The following FHOD3 variants were observed in gnomAD, a reference collection of about 807,000 sequenced individuals.
FHOD3 encodes formin homology 2 domain containing 3.
FHOD3 carries 90 observed loss-of-function variants against 173.0 expected under a neutral mutation model. The observed-to-expected ratio is 0.52, with a 90% confidence interval of 0.44 to 0.62. The LOEUF is 0.62. Among genes scored for constraint, FHOD3 ranks in the 20% least tolerant of loss-of-function variants. The probability of loss-of-function intolerance (pLI) is 0.00; values close to 1 mark genes in which losing one functional copy is unlikely to be tolerated. For synonymous variants in FHOD3, 828 were observed against 823.0 expected (o/e 1.01, Z -0.10); for missense variants, 1,945 against 2,034.7 (o/e 0.96, Z 0.85).
chr18:36,343,839 T>C (rs982734613), intron 1 of FHOD3, among the ~76,000 whole-genome samples: 2 of 152,100 alleles, frequency 1.3e-5, no homozygotes, highest in African/African-American at 4.8e-5. Flanking sequence ...CCACGTATTG[T>C]ATGATTCCAC....
chr18:36,553,823 G>A (rs1028568381), intron 5 of FHOD3, among the ~76,000 whole-genome samples: 20 of 152,220 alleles, frequency 1.3e-4, no homozygotes, highest in South Asian at 8.3e-4. Context: ...AAAAGTGGGC[G>A]AAGGATATGA....
chr18:36,575,633 A>G (rs528880616), intron 5 of FHOD3, among the ~76,000 whole-genome samples: 4 of 152,348 alleles, frequency 2.6e-5, no homozygotes, highest in South Asian at 2.1e-4. Context: ...ACAATTAGTT[A>G]TGGGTGAAAT....
intron 5 of FHOD3, among the ~76,000 whole-genome samples, chr18:36,545,946 G>A (rs980691293): frequency 2.3e-4 from 35 of 152,314 alleles, no homozygotes; most frequent in Admixed American, 1.2e-3. Flanking sequence ...AGTTTGTAAG[G>A]AGTTACCTTG....
At chr18:36,730,047 A>C (rs912683051) in intron 19 of FHOD3, among the ~76,000 whole-genome samples, 32 of 152,250 alleles carry the variant, frequency 2.1e-4, no homozygotes, top group African/African-American at 5.3e-4. Flanking sequence ...GCTCCTCTTC[A>C]TTCATCTACC....
chr18:36,444,117 C>T (rs1291978463), intron 3 of FHOD3, among the ~76,000 whole-genome samples: 2 of 136,006 alleles, frequency 1.5e-5, no homozygotes, highest in Non-Finnish European at 3.0e-5. Context: ...GGCGTGAACC[C>T]GGGAGGTGGA....
intron 10 of FHOD3, among the ~76,000 whole-genome samples, chr18:36,637,364 C>A (rs1238974232): frequency 6.6e-6 from 1 of 152,114 alleles, no homozygotes; most frequent in Non-Finnish European, 1.5e-5. Context: ...AGTGCAGTGA[C>A]ACAATCTCAG....
At chr18:36,317,890 A>G (rs184833315) in intron 1 of FHOD3, among the ~76,000 whole-genome samples, 15 of 152,188 alleles carry the variant, frequency 9.9e-5, no homozygotes, top group Admixed American at 9.8e-4. Flanking sequence ...ATCCATCTTG[A>G]GTTAATTTTT....
At chr18:36,551,050 G>T (rs904867068) in intron 5 of FHOD3, among the ~76,000 whole-genome samples, 1 of 152,154 alleles carries the variant, frequency 6.6e-6, no homozygotes, top group Non-Finnish European at 1.5e-5. Flanking sequence ...ATCTGCAGGG[G>T]TTTTTGAGAT....
intron 3 of FHOD3, among the ~76,000 whole-genome samples, chr18:36,464,050 T>C (rs1251710896): frequency 1.3e-5 from 2 of 152,164 alleles, no homozygotes; most frequent in Non-Finnish European, 2.9e-5. Context: ...TGAGATTAAA[T>C]AGGAGAAAGC....
intron 5 of FHOD3, among the ~76,000 whole-genome samples, chr18:36,551,463 ATTAAT>A (rs930787545): frequency 2.0e-5 from 3 of 151,930 alleles, no homozygotes; most frequent in Non-Finnish European, 4.4e-5. Context: ...ATTTAATTTG[ATTAAT>A]TTATTTAATT....
chr18:36,596,917 C>T (rs1377560113), intron 7 of FHOD3, among the ~76,000 whole-genome samples: 1 of 152,150 alleles, frequency 6.6e-6, no homozygotes, highest in Non-Finnish European at 1.5e-5. Context: ...TTTCCAAGGC[C>T]AGTCAATTAG....
rs182696088 is a variant in FHOD3, at chr18:36,338,309, G to T, written c.166-17230G>T. 5.3e-5 allele frequency among the ~76,000 whole-genome samples: 8 copies of T among 152,282 alleles called. No homozygotes were observed. The East Asian group carries it at 1.5e-3, about 29-fold the overall frequency. On this transcript the variant is annotated intron_variant, in intron 1 of 28. Coordinates refer to ENST00000590592, the MANE Select transcript of FHOD3 (RefSeq NM_001281740.3). ...TGGTAGCCTGTGCTTGGAATGGAGG[G>T]CAGTACTGCTCAGCTCAGCCTCCCT...
intron 14 of FHOD3, among the ~76,000 whole-genome samples, chr18:36,670,012 A>G (rs2149307643): frequency 6.6e-6 from 1 of 151,552 alleles, no homozygotes; most frequent in Non-Finnish European, 1.5e-5. Context: ...GTAAAGAATT[A>G]TAAGTTGATA....
At position 36,693,246 on chromosome 18, in the gene FHOD3, G is replaced by A. The variant is rs778872098; in HGVS notation, c.2059G>A (p.Glu687Lys). The change falls in exon 17 of 29, where the codon GAG (glutamate) becomes AAG (lysine). Residue 687 changes from glutamate to lysine, a missense_variant. Glu to Lys is a moderately conservative substitution (Grantham distance 56). Transcript: ENST00000590592. ...GGAACAGTTGGCAGCTGAGGAGCAC[G>A]AGAAGGAGCTGAGAAGCCGGAGTGT... Reference protein sequence around the residue: ...YLEQLAAEEHEKELRSRSVSR... With the variant: ...YLEQLAAEEHKKELRSRSVSR... The A allele has an allele frequency of 1.6e-5, 26 of 1,613,670 alleles. No individual in the cohort carries two copies. Among genetic ancestry groups the A allele is most frequent in the Non-Finnish European group, 1.9e-5 (23 of 1,179,832 alleles).
Position 36,652,632 on chromosome 18 carries a change from C to T in FHOD3, c.1349C>T (p.Ala450Val). 6.5e-7 allele frequency: 1 copy of T among 1,535,302 alleles called. No individual in the cohort carries two copies. Among genetic ancestry groups the T allele is most frequent in the Non-Finnish European group, 8.7e-7 (1 of 1,146,668 alleles). ...TGRDAAPKSS[A>V]LPAVSNASSQ... ...AGGGATGCTGCTCCCAAGAGCTCTGCCCTCCCTGCTGTCTCGAATGCCAGC... is the reference window on the plus strand; with the variant it reads ...AGGGATGCTGCTCCCAAGAGCTCTGTCCTCCCTGCTGTCTCGAATGCCAGC... The change falls in exon 12 of 29, where the codon GCC becomes GTC. Residue 450 changes from alanine to valine, a missense_variant. Coordinates refer to ENST00000590592, the MANE Select transcript of FHOD3 (RefSeq NM_001281740.3).
chr18:36,322,251 G>A (rs1411342770), intron 1 of FHOD3, among the ~76,000 whole-genome samples: 2 of 152,216 alleles, frequency 1.3e-5, no homozygotes, highest in African/African-American at 4.8e-5. Flanking sequence ...GCCCTAGAAA[G>A]TGGAAGAGCA....
chr18:36,589,148 G>C (rs76311421), intron 6 of FHOD3, among the ~76,000 whole-genome samples: 5,055 of 152,262 alleles, frequency 0.033, 292 homozygotes, highest in African/African-American at 0.12. Context: ...AAATCATTAT[G>C]AAATGTGTAA....
chr18:36,576,343 A>G, intron 5 of FHOD3, 108 bp from the exon 6 acceptor site: 1 of 658,602 alleles, frequency 1.5e-6, no homozygotes, highest in South Asian at 2.8e-5. Context: ...TTTGATTCTT[A>G]ACATACTGTG....
intron 6 of FHOD3, among the ~76,000 whole-genome samples, chr18:36,584,532 A>G (rs572669016): frequency 7.7e-4 from 117 of 152,358 alleles, no homozygotes; most frequent in Non-Finnish European, 1.2e-3. Context: ...TCTTAAATCC[A>G]TCCTTGATAT....
Sources: allele counts gnomAD v4.1 joint callset (sites outside exome capture counted in the v4.1 genomes callset), GRCh38; gene constraint gnomAD v4.1.1; transcripts MANE v1.5; gene names NCBI Gene and HGNC (gene_info 2026-07-23, HGNC 2026-07-21).